AKAP1: variants seen among roughly 807,000 people sequenced by gnomAD.
AKAP1 encodes A-kinase anchor protein 1, mitochondrial.
In AKAP1, 32 loss-of-function variants were observed where a neutral mutation model predicts 79.8. The observed-to-expected ratio is 0.40, with a 90% CI of 0.30 to 0.54. AKAP1 has a LOEUF of 0.54. Ranked by LOEUF, AKAP1 falls within the 20% of genes least tolerant of loss-of-function variation. AKAP1 has a pLI of 0.47. For missense variants in AKAP1, 961 were observed against 1,138.9 expected (o/e 0.84, Z 2.25); for synonymous variants, 416 against 466.7 (o/e 0.89, Z 1.40).
chr17:57,119,274 C>T (rs1221736087), intron 10 of AKAP1, among the ~76,000 whole-genome samples: 1 of 152,134 alleles, frequency 6.6e-6, no homozygotes, highest in Admixed American at 6.5e-5. Flanking sequence ...AGGACAGCCC[C>T]CCACAGCAAA....
chr17:57,121,149 T>A lies in AKAP1; in HGVS notation c.*825T>A, dbSNP rs1361749271. 1 of 152,286 alleles carries A rather than the reference T, an allele frequency of 6.6e-6. No individual in the cohort carries two copies. The highest frequency in any genetic ancestry group is 1.5e-5 in the Non-Finnish European group (1 of 68,032). The allele number at this position is 152,286 out of a possible 1,614,324, so 9.4% of individuals were successfully genotyped here. ...TCTGGCCAGGGCCCCTGTGGCTTCCTGCACACTGGACAGGTGACTGTATGG... is the reference window on the plus strand; with the variant it reads ...TCTGGCCAGGGCCCCTGTGGCTTCCAGCACACTGGACAGGTGACTGTATGG... On this transcript the variant is annotated 3_prime_UTR_variant, in exon 11 of 11. Transcript: ENST00000337714.
At chr17:57,113,810 C>T (rs2144762320) in intron 5 of AKAP1, among the ~76,000 whole-genome samples, 1 of 152,036 alleles carries the variant, frequency 6.6e-6, no homozygotes, top group South Asian at 2.1e-4. Context: ...ACCATGTTTG[C>T]CAGGCTGGTC....
chr17:57,088,809 G>C (rs1412730298), intron 1 of AKAP1, among the ~76,000 whole-genome samples: 1 of 152,128 alleles, frequency 6.6e-6, no homozygotes, highest in Admixed American at 6.6e-5. Flanking sequence ...TTCTGTCCGG[G>C]TCTTCACCAT....
chr17:57,091,355 C>T (rs527727561), intron 1 of AKAP1, among the ~76,000 whole-genome samples: 15 of 152,294 alleles, frequency 9.8e-5, no homozygotes, highest in Non-Finnish European at 1.6e-4. Flanking sequence ...CTGCAGTGTA[C>T]GGGACAGGTC....
chr17:57,106,551 G>T lies in AKAP1; in HGVS notation c.1087G>T (p.Val363Leu), dbSNP rs1323081468. The change falls in exon 2 of 11, where the codon GTG becomes TTG. Residue 363 changes from valine (V) to leucine (L), a missense_variant. Val to Leu is a conservative substitution (Grantham distance 32). Transcript: ENST00000337714. ...AGTGATCTCAGAAGCAACCGAACAG[G>T]TGCTGGCCACCACGGTTGGCAAGGT... ...SQVISEATEQVLATTVGKVAG... is the reference protein window; with the variant it reads ...SQVISEATEQLLATTVGKVAG... The T allele has an allele frequency of 6.2e-7, 1 of 1,614,086 alleles. No individual in the cohort carries two copies.
At chr17:57,101,974 T>A (rs1277725851) in intron 1 of AKAP1, among the ~76,000 whole-genome samples, 2 of 152,236 alleles carry the variant, frequency 1.3e-5, no homozygotes, top group Non-Finnish European at 2.9e-5. Flanking sequence ...TCAACTTCTT[T>A]CGGTAACATC....
In AKAP1 at chr17:57,112,606, G is replaced by A. The variant is rs370481038; in HGVS notation, c.2091G>A (p.Pro697=). The change falls in exon 5 of 11, where the codon CCG becomes CCA. Residue 697 remains proline, a synonymous_variant. Coordinates refer to ENST00000337714, the MANE Select transcript of AKAP1 (RefSeq NM_003488.4). ...CTTCACTGGCACTGCCTTCTCTGCC[G>A]ATGACATCCTGGGTGAGCGTGCTAC... The part of the protein sequence containing the change: ...PLPSLALPSL[P]MTSWLMLPDG... 467 of 1,612,896 alleles carry A rather than the reference G, an allele frequency of 2.9e-4. No homozygotes were observed. The highest frequency in any genetic ancestry group is 3.8e-4 in the Non-Finnish European group (444 of 1,179,478).
rs1355110685 is a variant in AKAP1 at position 57,086,388 on chromosome 17, G to A, written c.-25+990G>A. On this transcript the variant is annotated intron_variant, in intron 1 of 10. Coordinates refer to ENST00000337714, the MANE Select transcript of AKAP1 (RefSeq NM_003488.4). The surrounding 1 kb of genome is among the most constrained non-coding windows in gnomAD (Gnocchi z 5.1). ...TCCCTTCCAGGGAGGGATAGGAGAAGAAAGGTGCTGATCGTGGTAGGCGGT... is the reference window on the plus strand; with the variant it reads ...TCCCTTCCAGGGAGGGATAGGAGAAAAAAGGTGCTGATCGTGGTAGGCGGT... 2.2e-6 allele frequency: 1 copy of A among 455,480 alleles called. No individual in the cohort carries two copies. Among genetic ancestry groups the A allele is most frequent in the Non-Finnish European group, 4.4e-6 (1 of 226,418 alleles). 28.2% of individuals were successfully genotyped at this position (455,480 alleles called of 1,614,324 possible). A position where few individuals can be genotyped will look rare whatever the true frequency, so the allele number is the denominator to read the frequency against.
Position 57,111,734 on chromosome 17 carries a change from T to G in AKAP1, c.1849-64T>G, listed in dbSNP as rs1442343329. ...TGATCTTGTGTAAAACAGAAGTAGG[T>G]CTTTGGGTGTCCAGGGAATTGGTTT... On this transcript the variant is annotated intron_variant, in intron 3 of 10. Coordinates refer to ENST00000337714, the MANE Select transcript of AKAP1 (RefSeq NM_003488.4). 3.1e-6 allele frequency: 5 copies of G among 1,592,466 alleles called. No individual in the cohort carries two copies. In the Admixed American group the frequency reaches 6.8e-5, roughly 22 times the overall value.
At position 57,088,144 on chromosome 17, in the gene AKAP1, C is replaced by T. The variant is rs74557233; in HGVS notation, c.-25+2746C>T. ...TTATGGTGGGGGGTGTATTTTAGTCCTAAATCTTGCTTCTTAGGGCAAGTT... is the reference window on the plus strand; with the variant it reads ...TTATGGTGGGGGGTGTATTTTAGTCTTAAATCTTGCTTCTTAGGGCAAGTT... On this transcript the variant is annotated intron_variant, in intron 1 of 10. Coordinates refer to ENST00000337714, the MANE Select transcript of AKAP1 (RefSeq NM_003488.4). Among the ~76,000 whole-genome samples, 640 of 152,216 alleles carry T rather than the reference C, an allele frequency of 4.2e-3. 2 individuals are homozygous for T. Among genetic ancestry groups the T allele is most frequent in the Middle Eastern group, 0.014 (4 of 294 alleles).
intron 1 of AKAP1, among the ~76,000 whole-genome samples, 166 bp from the exon 2 acceptor site, chr17:57,105,273 CAG>C (rs1168147446): frequency 1.3e-5 from 2 of 152,118 alleles, no homozygotes; most frequent in African/African-American, 4.8e-5. Flanking sequence ...GTGGATCACA[CAG>C]AGGGTGGACT....
chr17:57,104,506 T>C (rs948899367), intron 1 of AKAP1, among the ~76,000 whole-genome samples: 1 of 152,202 alleles, frequency 6.6e-6, no homozygotes, highest in Non-Finnish European at 1.5e-5. Context: ...TAAATACATC[T>C]AATGCACCTA....
rs911303138 is a variant in AKAP1 at position 57,105,521 on chromosome 17, C to T, written c.57C>T (p.Leu19=). 13 of 1,613,980 alleles carry T rather than the reference C, an allele frequency of 8.1e-6. No individual in the cohort carries two copies. The highest frequency in any genetic ancestry group is 3.3e-5 in the Admixed American group (2 of 59,998). Residue 19 remains leucine (L), a synonymous_variant, in exon 2 of 11, where the codon CTC becomes CTT. Transcript: ENST00000337714. The part of the protein sequence containing the change: ...FPLALPGMLA[L]LGWWWFFSRK... ...TGGCATTGCCTGGGATGCTGGCGCTCCTCGGCTGGTGGTGGTTTTTCTCTC... is the reference window on the plus strand; with the variant it reads ...TGGCATTGCCTGGGATGCTGGCGCTTCTCGGCTGGTGGTGGTTTTTCTCTC...
At chr17:57,120,038 C>T (rs1487151915) in intron 10 of AKAP1, among the ~76,000 whole-genome samples, 1 of 151,790 alleles carries the variant, frequency 6.6e-6, no homozygotes, top group Non-Finnish European at 1.5e-5. Flanking sequence ...GTTGGCCAGG[C>T]TGGTCTCGAA....
At chr17:57,105,010 C>T (rs1914753852) in intron 1 of AKAP1, among the ~76,000 whole-genome samples, 1 of 152,168 alleles carries the variant, frequency 6.6e-6, no homozygotes, top group African/African-American at 2.4e-5. Flanking sequence ...GGGAACCATG[C>T]ACATGTGGAT....
At chr17:57,094,835 C>G (rs111640163) in intron 1 of AKAP1, 3 of 151,808 alleles carry the variant, frequency 2.0e-5, no homozygotes, top group African/African-American at 7.3e-5. Flanking sequence ...AGGCTAGTCT[C>G]GAACTCCTGG....
chr17:57,094,871 A>G (rs1316542107), intron 1 of AKAP1: 1 of 151,968 alleles, frequency 6.6e-6, no homozygotes, highest in Non-Finnish European at 1.5e-5. Flanking sequence ...CAACTTCCCA[A>G]AGTGTTGGGA....
At chr17:57,102,316 A>G (rs1914565737) in intron 1 of AKAP1, among the ~76,000 whole-genome samples, 1 of 151,982 alleles carries the variant, frequency 6.6e-6, no homozygotes, top group African/African-American at 2.4e-5. Context: ...TGTGGTTATG[A>G]GCTTTTAAGA....
At chr17:57,089,336 G>A (rs1913644260) in intron 1 of AKAP1, among the ~76,000 whole-genome samples, 1 of 152,128 alleles carries the variant, frequency 6.6e-6, no homozygotes, top group Admixed American at 6.5e-5. Context: ...GTGTGCTACT[G>A]TTCTAAATAT....
Sources: gnomAD v4.1 joint callset for allele counts (sites outside exome capture counted in the v4.1 genomes callset) on GRCh38, gnomAD v4.1.1 for gene constraint, Gnocchi (gnomAD v3.1) non-coding constraint, MANE v1.5 for transcripts, NCBI Gene and HGNC (gene_info 2026-07-23, HGNC 2026-07-21) for gene names.